ZNF143: variants seen among roughly 807,000 people sequenced by gnomAD.
ZNF143 encodes SPH-binding factor.
ZNF143 carries 49 observed loss-of-function variants against 74.1 expected under a neutral mutation model. The ratio of observed to expected loss-of-function variants is 0.66; its 90% CI spans 0.53 to 0.84. ZNF143 has a LOEUF of 0.84. Ranked by LOEUF, ZNF143 falls within the 40% of genes least tolerant of loss-of-function variation. The pLI is 0.00. For synonymous variants in ZNF143, 304 were observed against 282.8 expected (o/e 1.07, Z -0.75); for missense variants, 637 against 793.4 (o/e 0.80, Z 2.37).
intron 1 of ZNF143, among the ~76,000 whole-genome samples, chr11:9,462,349 A>G (rs1855915232): frequency 6.6e-6 from 1 of 151,680 alleles, no homozygotes; most frequent in Admixed American, 6.6e-5. Flanking sequence ...TCACCCATTT[A>G]AAATGTGTAA....
intron 1 of ZNF143, among the ~76,000 whole-genome samples, chr11:9,469,215 CTTTTTTT>C (rs33968880): frequency 2.1e-5 from 2 of 97,464 alleles, no homozygotes; most frequent in Admixed American, 2.6e-4. Flanking sequence ...CAGCAGGGGT[CTTTTTTT>C]TTTTTTTTTT....
chr11:9,517,295 C>A (rs1432097804), intron 14 of ZNF143, among the ~76,000 whole-genome samples: 1 of 151,864 alleles, frequency 6.6e-6, no homozygotes, highest in Admixed American at 6.6e-5. Context: ...TAGAGAACTT[C>A]CTCATTCTGT....
At chr11:9,505,291 A>G (rs1848321323) in intron 11 of ZNF143, among the ~76,000 whole-genome samples, 1 of 146,696 alleles carries the variant, frequency 6.8e-6, no homozygotes, top group Non-Finnish European at 1.5e-5. Context: ...TTTTTTTGAG[A>G]TGGAGTCTCG....
rs958044323 is a variant in ZNF143, at chr11:9,487,571, A to T, written c.646-7075A>T. ...ATGGGGTTTCACCGTGTTAGCCAGG[A>T]TGGTCTCGATCTCCTGACCTCATGA... On this transcript the variant is annotated intron_variant, in intron 7 of 15. Transcript: ENST00000396602. Among the ~76,000 whole-genome samples, 15 of 151,182 alleles carry T rather than the reference A, an allele frequency of 9.9e-5. No individual in the cohort carries two copies. In the South Asian group the frequency reaches 2.9e-3, roughly 30 times the overall value.
chr11:9,496,274 A>G lies in ZNF143; in HGVS notation c.766-29A>G, dbSNP rs1847954225. 2.5e-6 allele frequency: 4 copies of G among 1,609,570 alleles called. No homozygotes were observed. The East Asian group carries it at 6.7e-5, about 27-fold the overall frequency. ...TCTTCCTGAGGAATACGTAAAGGAA[A>G]TAGAATCATGCCTGCATTTTAATCA... On this transcript the variant is annotated intron_variant, in intron 8 of 15. Transcript: ENST00000396602.
intron 7 of ZNF143, 42 bp from the exon 8 acceptor site, chr11:9,494,604 C>T: frequency 6.3e-7 from 1 of 1,587,296 alleles, no homozygotes; most frequent in Non-Finnish European, 8.6e-7. Flanking sequence ...AGCCACTGTG[C>T]CTGGCTTAAG....
At chr11:9,520,681 C>G (rs1848892523) in intron 14 of ZNF143, among the ~76,000 whole-genome samples, 1 of 152,080 alleles carries the variant, frequency 6.6e-6, no homozygotes, top group African/African-American at 2.4e-5. Flanking sequence ...CCCAGCTACT[C>G]AGGAGGCTGA....
intron 14 of ZNF143, among the ~76,000 whole-genome samples, chr11:9,523,773 C>T (rs1173480619): frequency 4.6e-5 from 7 of 151,294 alleles, no homozygotes; most frequent in African/African-American, 7.3e-5. Context: ...TCTGGCTGGG[C>T]GCGGGGGCTC....
Position 9,502,332 on chromosome 11 carries a change from G to A in ZNF143, c.1147+1062G>A, listed in dbSNP as rs796278659. 1.1e-4 allele frequency among the ~76,000 whole-genome samples: 16 copies of A among 140,046 alleles called. 1 individual carries two copies. The highest frequency in any genetic ancestry group is 3.2e-4 in the African/African-American group (12 of 37,928). The allele number at this position is 140,046 out of a possible 152,430, so 91.9% of individuals were successfully genotyped here. ...TTCATCTATTTAAAGTGTATGGGCC[G>A]GGCGCGGTGGCTCACGCCTGTAATC... On this transcript the variant is annotated intron_variant, in intron 11 of 15. Transcript: ENST00000396602.
intron 1 of ZNF143, among the ~76,000 whole-genome samples, chr11:9,466,835 ATAT>A (rs1856251727): frequency 2.0e-5 from 3 of 149,816 alleles, no homozygotes; most frequent in Non-Finnish European, 3.0e-5. Context: ...AGCAGTAAAG[ATAT>A]TATTGTAATA....
chr11:9,524,687 C>T (rs1477177672), intron 14 of ZNF143, among the ~76,000 whole-genome samples: 1 of 152,058 alleles, frequency 6.6e-6, no homozygotes, highest in African/African-American at 2.4e-5. Context: ...TTTAATCCTC[C>T]TGGCTAGATG....
At chr11:9,462,307 G>T (rs1590474765) in intron 1 of ZNF143, among the ~76,000 whole-genome samples, 1 of 149,944 alleles carries the variant, frequency 6.7e-6, no homozygotes, top group East Asian at 1.9e-4. Context: ...TTTTAAAATA[G>T]CTTTAGTGAT....
intron 10 of ZNF143, 22 bp downstream of exon 10, chr11:9,497,822 C>CAA: frequency 1.1e-6 from 1 of 949,652 alleles, no homozygotes; most frequent in Non-Finnish European, 1.5e-6. Flanking sequence ...AACAGAGTGT[C>CAA]AAAATCTTTT....
intron 5 of ZNF143, among the ~76,000 whole-genome samples, chr11:9,477,396 A>G (rs1270135043): frequency 6.6e-6 from 1 of 152,096 alleles, no homozygotes; most frequent in East Asian, 1.9e-4. Flanking sequence ...CTGGGACTAC[A>G]GGTGCGCGCC....
chr11:9,480,491 T>C (rs1847191082), intron 7 of ZNF143, among the ~76,000 whole-genome samples: 1 of 152,188 alleles, frequency 6.6e-6, no homozygotes, highest in African/African-American at 2.4e-5. Context: ...ACATGACCAC[T>C]TAGTGACATT....
At chr11:9,503,234 T>G (rs1848232308) in intron 11 of ZNF143, among the ~76,000 whole-genome samples, 1 of 131,742 alleles carries the variant, frequency 7.6e-6, no homozygotes, top group South Asian at 2.4e-4. Flanking sequence ...TACATTTTGT[T>G]TATTCACCAG....
intron 5 of ZNF143, among the ~76,000 whole-genome samples, chr11:9,478,061 C>A (rs1334548562): frequency 1.3e-5 from 2 of 152,086 alleles, no homozygotes; most frequent in East Asian, 1.9e-4. Flanking sequence ...CTCCTGACCT[C>A]GTGATCCGCC....
intron 14 of ZNF143, among the ~76,000 whole-genome samples, chr11:9,516,778 C>T (rs1848739297): frequency 6.6e-6 from 1 of 152,200 alleles, no homozygotes; most frequent in South Asian, 2.1e-4. Context: ...TTCATCCCAC[C>T]CCTGCCTTCA....
chr11:9,511,749 G>A (rs1045692985), intron 12 of ZNF143, among the ~76,000 whole-genome samples: 1 of 136,182 alleles, frequency 7.3e-6, no homozygotes, highest in African/African-American at 2.7e-5. Context: ...GCCTTTAACA[G>A]CTTTTTTTTT....
Sources: gnomAD v4.1 joint callset for allele counts (sites outside exome capture counted in the v4.1 genomes callset) on GRCh38, gnomAD v4.1.1 for gene constraint, MANE v1.5 for transcripts, NCBI Gene and HGNC (gene_info 2026-07-23, HGNC 2026-07-21) for gene names.